Variants in ZFHX3 observed in about 807,000 individuals in gnomAD.
ZFHX3 encodes the protein zinc finger homeobox 3.
ZFHX3 carries 42 observed loss-of-function variants against 279.1 expected under a neutral mutation model. The ratio of observed to expected loss-of-function variants is 0.15; its 90% CI spans 0.12 to 0.19. The LOEUF (loss-of-function observed/expected upper bound fraction) is 0.19. Ranked by LOEUF, ZFHX3 falls within the 10% of genes least tolerant of loss-of-function variation. The pLI, the probability that ZFHX3 is intolerant of heterozygous loss-of-function variation, is 1.00. For synonymous variants in ZFHX3, 2,293 were observed against 1,957.8 expected, an observed-to-expected ratio of 1.17 and a Z score of -4.52; for missense variants, 4,981 against 4,754.0, an observed-to-expected ratio of 1.05 and a Z score of -1.40.
At chr16:73,091,596 C>G (rs1966083206) in intron 8 of ZFHX3, among the ~76,000 whole-genome samples, 2 of 152,214 alleles carry the variant, frequency 1.3e-5, no homozygotes, top group African/African-American at 4.8e-5. Flanking sequence ...TGTCAGTTTC[C>G]TCTGAGGACC....
chr16:73,442,859 G>A (rs1367135653), intron 3 of ZFHX3, among the ~76,000 whole-genome samples: 2 of 152,192 alleles, frequency 1.3e-5, no homozygotes, highest in African/African-American at 2.4e-5. Context: ...GCTGCAGTGA[G>A]TTCCACCTCA....
At chr16:72,992,427 C>T (rs1963125735) in intron 1 of ZFHX3, among the ~76,000 whole-genome samples, 1 of 152,210 alleles carries the variant, frequency 6.6e-6, no homozygotes, top group South Asian at 2.1e-4. Flanking sequence ...CCTTTGCTGA[C>T]AGGCTCCAAG....
At chr16:72,896,565 G>C (rs2038905727) in intron 3 of ZFHX3, among the ~76,000 whole-genome samples, 1 of 152,200 alleles carries the variant, frequency 6.6e-6, no homozygotes, top group African/African-American at 2.4e-5. Flanking sequence ...TTAGTATGTT[G>C]TGCTTGTTCA....
chr16:73,236,046 C>T (rs2012938131), intron 5 of ZFHX3, among the ~76,000 whole-genome samples: 1 of 152,230 alleles, frequency 6.6e-6, no homozygotes, highest in African/African-American at 2.4e-5. Context: ...AGCCTACAGA[C>T]ACTACTCTGT....
At chr16:73,014,896 C>G (rs1488734214) in intron 1 of ZFHX3, among the ~76,000 whole-genome samples, 1 of 152,040 alleles carries the variant, frequency 6.6e-6, no homozygotes, top group African/African-American at 2.4e-5. Flanking sequence ...CACACAGAAG[C>G]AGGGGTGTCC....
intron 5 of ZFHX3, among the ~76,000 whole-genome samples, chr16:73,226,511 A>T (rs2012596104): frequency 6.6e-6 from 1 of 152,242 alleles, no homozygotes; most frequent in Non-Finnish European, 1.5e-5. Flanking sequence ...AGCTGTTTTC[A>T]CTGCTGGGCC....
intron 1 of ZFHX3, among the ~76,000 whole-genome samples, chr16:73,003,692 C>A (rs7203318): frequency 1.3e-5 from 2 of 151,906 alleles, no homozygotes; most frequent in African/African-American, 4.8e-5. Context: ...GACGAAACAG[C>A]GAGACTCCAT....
At chr16:72,889,430 G>A (rs779344806) in intron 4 of ZFHX3, among the ~76,000 whole-genome samples, 8 of 149,642 alleles carry the variant, frequency 5.3e-5, no homozygotes, top group Non-Finnish European at 1.2e-4. Flanking sequence ...CTGGGTAGTA[G>A]CTTGTGACTT....
chr16:73,879,718 C>G (rs1291655553), intron 1 of ZFHX3, among the ~76,000 whole-genome samples: 1 of 152,082 alleles, frequency 6.6e-6, no homozygotes, highest in Non-Finnish European at 1.5e-5. Context: ...TGTAAGTAAA[C>G]AGCGGGGATT....
intron 2 of ZFHX3, among the ~76,000 whole-genome samples, chr16:73,592,605 G>C (rs1001206233): frequency 2.0e-5 from 3 of 152,160 alleles, no homozygotes; most frequent in Non-Finnish European, 4.4e-5. Flanking sequence ...TGAGGCAGGG[G>C]AGAGTAGGAG....
intron 3 of ZFHX3, among the ~76,000 whole-genome samples, chr16:73,393,799 A>C (rs1254452573): frequency 6.6e-6 from 1 of 151,858 alleles, no homozygotes; most frequent in Non-Finnish European, 1.5e-5. Context: ...AAAACACTGA[A>C]GTGTTCAATT....
chr16:72,790,683 G>A (rs1456602932), intron 9 of ZFHX3: 2 of 152,228 alleles, frequency 1.3e-5, no homozygotes, highest in East Asian at 3.9e-4. Flanking sequence ...AGATATGTGT[G>A]ACTCTACTCA....
At chr16:73,437,086 C>T (rs991778729) in intron 3 of ZFHX3, among the ~76,000 whole-genome samples, 10 of 152,140 alleles carry the variant, frequency 6.6e-5, no homozygotes, top group East Asian at 1.9e-4. Flanking sequence ...AGGAAGCACA[C>T]GACTTCTTAC....
chr16:72,887,926 G>A (rs1369759817), intron 4 of ZFHX3, among the ~76,000 whole-genome samples: 4 of 152,060 alleles, frequency 2.6e-5, no homozygotes, highest in African/African-American at 4.8e-5. Flanking sequence ...TGTGTGTGCC[G>A]TCTGCGTGAG....
chr16:73,255,825 A>G (rs2013647640), intron 5 of ZFHX3, among the ~76,000 whole-genome samples: 1 of 152,172 alleles, frequency 6.6e-6, no homozygotes, highest in South Asian at 2.1e-4. Context: ...TGGATACAGC[A>G]TGGTCTGAGT....
chr16:73,066,069 T>A (rs970181536), intron 8 of ZFHX3, among the ~76,000 whole-genome samples: 5 of 152,192 alleles, frequency 3.3e-5, no homozygotes, highest in Non-Finnish European at 7.3e-5. Flanking sequence ...CTAGCCGGGC[T>A]ACCCGTGGGG....
At chr16:72,991,468 C>G (rs560378146) in intron 1 of ZFHX3, among the ~76,000 whole-genome samples, 1 of 152,180 alleles carries the variant, frequency 6.6e-6, no homozygotes, top group South Asian at 2.1e-4. Context: ...AAATTTGCTA[C>G]AGACTTTGGG....
rs573265328 is a variant in ZFHX3, at chr16:73,235,543, T to C, written c.-1104+21504A>G. Among the ~76,000 whole-genome samples the C allele has an allele frequency of 1.8e-4, 27 of 152,260 alleles. 1 individual carries two copies. Among genetic ancestry groups the C allele is most frequent in the Admixed American group, 1.1e-3 (17 of 15,298 alleles). ...TGATGAGGAGGAGTGGGGCTTGGGATGAAATGGACCGGAGAGGCACTCGGC... is the reference window on the plus strand; with the variant it reads ...TGATGAGGAGGAGTGGGGCTTGGGACGAAATGGACCGGAGAGGCACTCGGC... On this transcript the variant is annotated intron_variant, in intron 5 of 17. Transcript: ENST00000641206.
chr16:73,742,036 T>C (rs2053662261), intron 1 of ZFHX3, among the ~76,000 whole-genome samples: 1 of 152,182 alleles, frequency 6.6e-6, no homozygotes, highest in African/African-American at 2.4e-5. Context: ...CTTCTGGAGA[T>C]CCACATTTCA....
Sources: gnomAD v4.1 joint callset for allele counts (sites outside exome capture counted in the v4.1 genomes callset) on GRCh38, gnomAD v4.1.1 for gene constraint, MANE v1.5 for transcripts, NCBI Gene and HGNC (gene_info 2026-07-23, HGNC 2026-07-21) for gene names.